The following NOP58 variants were observed in gnomAD, a reference collection of about 807,000 sequenced individuals.
NOP58 encodes the protein NOP58 ribonucleoprotein.
A neutral mutation model predicts 71.2 loss-of-function variants in NOP58; 44 were observed. The observed-to-expected ratio is 0.62, with a 90% CI of 0.49 to 0.79. The LOEUF (loss-of-function observed/expected upper bound fraction) is 0.79, where lower values mean the gene tolerates loss of function less well. Among genes scored for constraint, NOP58 ranks in the 30% least tolerant of loss-of-function variants. NOP58 has a pLI of 0.00. For missense variants in NOP58, 538 were observed against 620.2 expected, an observed-to-expected ratio of 0.87 and a Z score of 1.41; for synonymous variants, 228 against 200.3, an observed-to-expected ratio of 1.14 and a Z score of -1.17.
At chr2:202,280,714 G>A (rs1386571439) in intron 3 of NOP58, among the ~76,000 whole-genome samples, 4 of 151,202 alleles carry the variant, frequency 2.6e-5, no homozygotes, top group Non-Finnish European at 5.9e-5. Context: ...ATTCATATAT[G>A]CTATTTGCAT....
At chr2:202,273,210 C>T (rs1169781668) in intron 1 of NOP58, among the ~76,000 whole-genome samples, 1 of 152,164 alleles carries the variant, frequency 6.6e-6, no homozygotes, top group Non-Finnish European at 1.5e-5. Flanking sequence ...AAAATCAGGG[C>T]AATTCATGAG....
At chr2:202,303,126 A>G (rs1218268661) in intron 14 of NOP58, 69 bp downstream of exon 14, 5 of 1,516,586 alleles carry the variant, frequency 3.3e-6, no homozygotes, top group Admixed American at 2.2e-5. Flanking sequence ...TCTATTTTCT[A>G]TATCAGAAAT....
chr2:202,273,354 G>T (rs1051469510), intron 1 of NOP58, among the ~76,000 whole-genome samples: 2 of 152,174 alleles, frequency 1.3e-5, no homozygotes, highest in African/African-American at 4.8e-5. Flanking sequence ...GAAAGTTAGA[G>T]ATATTGCTAC....
chr2:202,301,559 G>A (rs1458454029), intron 13 of NOP58, among the ~76,000 whole-genome samples: 1 of 152,094 alleles, frequency 6.6e-6, no homozygotes, highest in East Asian at 1.9e-4. Flanking sequence ...ACTCAATCTA[G>A]TCTGACAGCA....
In NOP58 at chr2:202,297,820, T is replaced by C. The variant is rs764039950; in HGVS notation, c.1207-25T>C. On this transcript the variant is annotated intron_variant, in intron 11 of 14. Coordinates refer to ENST00000264279, the MANE Select transcript of NOP58 (RefSeq NM_015934.5). ...AAGAGATTATGACTTAGAAGTGTAT[T>C]TGTAATTTTTCGTTTTCTTCTTAGA... 3.8e-6 allele frequency: 5 copies of C among 1,331,858 alleles called. No homozygotes were observed. In the Admixed American group the frequency reaches 8.3e-5, roughly 22 times the overall value. The allele number at this position is 1,331,858 out of a possible 1,614,324, so 82.5% of individuals were successfully genotyped here. A position where few individuals can be genotyped will look rare whatever the true frequency, so the allele number is the denominator to read the frequency against.
intron 9 of NOP58, chr2:202,293,149 T>C (rs1330989628): frequency 1.5e-6 from 1 of 681,178 alleles, no homozygotes; most frequent in Admixed American, 1.8e-5. Context: ...GGTCCATTGT[T>C]AGAAGTTTGT....
At chr2:202,272,499 A>C (rs1306907944) in intron 1 of NOP58, among the ~76,000 whole-genome samples, 2 of 152,192 alleles carry the variant, frequency 1.3e-5, no homozygotes, top group East Asian at 3.8e-4. Context: ...TGTTGGTAAA[A>C]ATAACCCAAA....
Position 202,303,010 on chromosome 2 carries a change from G to A in NOP58, c.1492G>A (p.Glu498Lys). 2 of 1,612,934 alleles carry A rather than the reference G, an allele frequency of 1.2e-6. No homozygotes were observed. Among genetic ancestry groups the A allele is most frequent in the East Asian group, 2.2e-5 (1 of 44,846 alleles). The change falls in exon 14 of 15, where the codon GAA becomes AAA. Residue 498 changes from glutamate to lysine, a missense_variant. Coordinates refer to ENST00000264279, the MANE Select transcript of NOP58 (RefSeq NM_015934.5). ...AAGGGGTAAAAAGAAACACATTAAG[G>A]AAGAACCACTTTCTGAGGAAGAACC... ...KKRGKKKHIK[E>K]EPLSEEEPCT... is the part of the protein sequence containing the mutation.
chr2:202,302,915 A>G lies in NOP58; in HGVS notation c.1403-6A>G, dbSNP rs372174851. The G allele has an allele frequency of 1.2e-6, 2 of 1,601,082 alleles. No individual in the cohort carries two copies. ...TTTGTTGTGCCTTTACACTTACCCT[A>G]TTCAGTTGAAGAAGAGGAAGAAGAA... On this transcript the variant is annotated splice_region_variant and splice_polypyrimidine_tract_variant and intron_variant, in intron 13 of 14. Transcript: ENST00000264279.
intron 4 of NOP58, among the ~76,000 whole-genome samples, chr2:202,283,199 A>C (rs1046811169): frequency 6.6e-6 from 1 of 152,060 alleles, no homozygotes; most frequent in African/African-American, 2.4e-5. Context: ...CTACAGGCAC[A>C]TGCCACCATG....
intron 1 of NOP58, among the ~76,000 whole-genome samples, chr2:202,269,850 C>G (rs1688487923): frequency 6.6e-6 from 1 of 152,212 alleles, no homozygotes; most frequent in Non-Finnish European, 1.5e-5. Flanking sequence ...AGCTGCTCTT[C>G]CATGTGGTAG....
chr2:202,271,654 C>A (rs1351365072), intron 1 of NOP58, among the ~76,000 whole-genome samples: 1 of 151,998 alleles, frequency 6.6e-6, no homozygotes, highest in African/African-American at 2.4e-5. Context: ...ATTTAAAAAA[C>A]CAGCTGGATC....
intron 9 of NOP58, among the ~76,000 whole-genome samples, chr2:202,294,250 T>G (rs1574387482): frequency 7.1e-6 from 1 of 139,944 alleles, no homozygotes; most frequent in South Asian, 2.2e-4. Flanking sequence ...ACCCGGGAGG[T>G]GGAGGTTGCA....
Position 202,265,850 on chromosome 2 carries a change from C to A in NOP58, c.-92C>A. The A allele has an allele frequency of 1.4e-6, 2 of 1,471,052 alleles. No homozygotes were observed. Among genetic ancestry groups the A allele is most frequent in the Middle Eastern group, 1.7e-4 (1 of 5,768 alleles). 91.1% of individuals were successfully genotyped at this position (1,471,052 alleles called of 1,614,324 possible). A position where few individuals can be genotyped will look rare whatever the true frequency, so the allele number is the denominator to read the frequency against. On this transcript the variant is annotated 5_prime_UTR_variant, in exon 1 of 15. Transcript: ENST00000264279. ...CGCATTTGTGCTTTGCCCGCCGCGGCCTAGGAGGCCTTTTGAGGCCGCGTA... is the reference window on the plus strand; with the variant it reads ...CGCATTTGTGCTTTGCCCGCCGCGGACTAGGAGGCCTTTTGAGGCCGCGTA...
At position 202,300,279 on chromosome 2, in the gene NOP58, C is replaced by G; in HGVS notation, c.1314C>G (p.Thr438=). 6.2e-7 allele frequency: 1 copy of G among 1,601,666 alleles called. No individual in the cohort carries two copies. Among genetic ancestry groups the G allele is most frequent in the Non-Finnish European group, 8.5e-7 (1 of 1,177,346 alleles). Residue 438 remains threonine (T), a synonymous_variant, in exon 13 of 15, where the codon ACC becomes ACG. Coordinates refer to ENST00000264279, the MANE Select transcript of NOP58 (RefSeq NM_015934.5). The stretch of plus-strand genomic sequence containing the variant: ...CTTCTGGTGACTCCACACTTCCAAC[C>G]TGTTCTAAAAAACGCAAAATAGAAC... The part of the protein sequence containing the change: ...YDPSGDSTLP[T]CSKKRKIEQV...
chr2:202,271,554 G>A (rs562919046), intron 1 of NOP58, among the ~76,000 whole-genome samples: 1 of 151,662 alleles, frequency 6.6e-6, no homozygotes, highest in Non-Finnish European at 1.5e-5. Context: ...CCGACAGAGC[G>A]CAAGACTCCG....
intron 3 of NOP58, among the ~76,000 whole-genome samples, chr2:202,278,554 A>G (rs1194953954): frequency 6.6e-6 from 1 of 152,238 alleles, no homozygotes; most frequent in Non-Finnish European, 1.5e-5. Flanking sequence ...CTCTTCAACT[A>G]GATTTCATCA....
chr2:202,279,806 A>G (rs1288103748), intron 3 of NOP58, among the ~76,000 whole-genome samples: 1 of 152,150 alleles, frequency 6.6e-6, no homozygotes, highest in Non-Finnish European at 1.5e-5. Flanking sequence ...AAATAACATA[A>G]AATTAAGTAG....
intron 5 of NOP58, among the ~76,000 whole-genome samples, chr2:202,287,164 G>A (rs1330386814): frequency 1.1e-4 from 16 of 146,484 alleles, no homozygotes; most frequent in Admixed American, 9.2e-4. Flanking sequence ...CTGCCTCCCC[G>A]GTTCAAGCGA....
Sources: gnomAD v4.1 joint callset for allele counts (sites outside exome capture counted in the v4.1 genomes callset) on GRCh38, gnomAD v4.1.1 for gene constraint, MANE v1.5 for transcripts, NCBI Gene and HGNC (gene_info 2026-07-23, HGNC 2026-07-21) for gene names.